The following CDH8 variants were observed in gnomAD, a reference collection of about 807,000 sequenced individuals.
CDH8 encodes cadherin-8.
Under a neutral mutation model 68.1 loss-of-function variants are expected in CDH8, and 17 were observed. The ratio of observed to expected loss-of-function variants is 0.25; its 90% CI spans 0.17 to 0.37. The LOEUF (loss-of-function observed/expected upper bound fraction) is 0.37. Ranked by LOEUF, CDH8 falls within the 10% of genes least tolerant of loss-of-function variation. The probability of loss-of-function intolerance (pLI) is 1.00; values close to 1 mark genes in which losing one functional copy is unlikely to be tolerated. For missense variants in CDH8, 763 were observed against 999.3 expected, an observed-to-expected ratio of 0.76 and a Z score of 3.19; for synonymous variants, 372 against 365.1, an observed-to-expected ratio of 1.02 and a Z score of -0.21.
intron 8 of CDH8, among the ~76,000 whole-genome samples, chr16:61,738,725 T>C (rs1055931930): frequency 3.3e-5 from 5 of 152,198 alleles, no homozygotes. Context: ...CTACTTTTAA[T>C]TATTTAAGTA....
intron 2 of CDH8, among the ~76,000 whole-genome samples, chr16:62,011,302 A>C (rs1901807029): frequency 6.6e-6 from 1 of 152,184 alleles, no homozygotes; most frequent in African/African-American, 2.4e-5. Context: ...AACAGTTAAT[A>C]GTTCTCACTG....
At chr16:61,659,091 C>T (rs1256619401) in intron 10 of CDH8, among the ~76,000 whole-genome samples, 3 of 152,136 alleles carry the variant, frequency 2.0e-5, no homozygotes, top group Non-Finnish European at 2.9e-5. Context: ...CTAAGACTTT[C>T]TTTTTATTTA....
chr16:61,695,093 T>C (rs113353928), intron 10 of CDH8, among the ~76,000 whole-genome samples: 1 of 152,062 alleles, frequency 6.6e-6, no homozygotes, highest in Non-Finnish European at 1.5e-5. Context: ...TCTTCTTCTT[T>C]TTTTTTTAGT....
chr16:61,922,442 T>C (rs1964384950), intron 2 of CDH8, among the ~76,000 whole-genome samples: 1 of 152,300 alleles, frequency 6.6e-6, no homozygotes, highest in East Asian at 1.9e-4. Context: ...TTATTATTTA[T>C]ATAAAAAGAC....
At position 61,653,334 on chromosome 16, in the gene CDH8, C is replaced by A; in HGVS notation, c.*274G>T. 8.2e-7 allele frequency: 1 copy of A among 1,219,194 alleles called. No individual in the cohort carries two copies. Among genetic ancestry groups the A allele is most frequent in the Non-Finnish European group, 1.0e-6 (1 of 981,348 alleles). 75.5% of individuals were successfully genotyped at this position (1,219,194 alleles called of 1,614,324 possible). A position where few individuals can be genotyped will look rare whatever the true frequency, so the allele number is the denominator to read the frequency against. Reference sequence around the variant, plus strand: ...TCTAAGGATTAGCCAGGATCCCAATCTTTGTCTGTGGTGGTCAGGTAAATA... The same window carrying A: ...TCTAAGGATTAGCCAGGATCCCAATATTTGTCTGTGGTGGTCAGGTAAATA... On this transcript the variant is annotated 3_prime_UTR_variant, in exon 12 of 12. Coordinates refer to ENST00000577390, the MANE Select transcript of CDH8 (RefSeq NM_001796.5).
At chr16:61,792,377 T>G (rs1445797082) in intron 7 of CDH8, among the ~76,000 whole-genome samples, 1 of 151,978 alleles carries the variant, frequency 6.6e-6, no homozygotes, top group Non-Finnish European at 1.5e-5. Context: ...CTCAACTATT[T>G]TGGAAAACTC....
intron 8 of CDH8, among the ~76,000 whole-genome samples, chr16:61,783,421 GA>G (rs1245780291): frequency 6.6e-5 from 10 of 151,090 alleles, no homozygotes; most frequent in Admixed American, 4.0e-4. Context: ...AAGCCTCCAA[GA>G]AATATGGGAC....
chr16:61,715,382 T>A (rs542224831), intron 9 of CDH8, among the ~76,000 whole-genome samples: 4 of 151,708 alleles, frequency 2.6e-5, no homozygotes, highest in Admixed American at 2.6e-4. Flanking sequence ...TGTGTGACAT[T>A]GAAGGAGTTA....
intron 10 of CDH8, among the ~76,000 whole-genome samples, chr16:61,676,480 G>A (rs1368466000): frequency 6.6e-6 from 1 of 151,880 alleles, no homozygotes; most frequent in Non-Finnish European, 1.5e-5. Flanking sequence ...TTCAAATTCT[G>A]AAAATTAATC....
chr16:61,871,286 T>C (rs542928473), intron 3 of CDH8, among the ~76,000 whole-genome samples: 30 of 151,338 alleles, frequency 2.0e-4, no homozygotes, highest in African/African-American at 7.0e-4. Flanking sequence ...GCTCAAGCAA[T>C]CCTCCCACCT....
chr16:61,972,493 T>C (rs937094338), intron 2 of CDH8, among the ~76,000 whole-genome samples: 3 of 150,338 alleles, frequency 2.0e-5, no homozygotes, highest in African/African-American at 7.3e-5. Context: ...TGAGATCTAC[T>C]GTGTAGCTAG....
intron 10 of CDH8, among the ~76,000 whole-genome samples, chr16:61,689,584 T>C (rs1964177780): frequency 6.6e-6 from 1 of 151,950 alleles, no homozygotes; most frequent in South Asian, 2.1e-4. Flanking sequence ...AGCTTTAAAA[T>C]GAGGATAACA....
At chr16:61,923,700 C>A (rs1015764732) in intron 2 of CDH8, among the ~76,000 whole-genome samples, 1 of 148,456 alleles carries the variant, frequency 6.7e-6, no homozygotes, top group Non-Finnish European at 1.5e-5. Context: ...TATTATGAAG[C>A]CCTGGCAATC....
chr16:61,717,836 C>G (rs1256029671), intron 9 of CDH8, among the ~76,000 whole-genome samples: 1 of 151,356 alleles, frequency 6.6e-6, no homozygotes, highest in Non-Finnish European at 1.5e-5. Flanking sequence ...AATAAATAAG[C>G]GATGGCAGGT....
At chr16:61,832,740 C>A (rs1446973560) in intron 4 of CDH8, among the ~76,000 whole-genome samples, 2 of 151,514 alleles carry the variant, frequency 1.3e-5, no homozygotes, top group East Asian at 3.9e-4. Context: ...TTATAGATAT[C>A]AAAGGCATAC....
intron 6 of CDH8, among the ~76,000 whole-genome samples, chr16:61,819,767 T>C (rs1410819258): frequency 6.6e-6 from 1 of 152,080 alleles, no homozygotes; most frequent in East Asian, 1.9e-4. Context: ...CTTACAGTCA[T>C]ATCTACATAA....
At chr16:62,030,016 C>A (rs918864147) in intron 1 of CDH8, among the ~76,000 whole-genome samples, 1 of 152,138 alleles carries the variant, frequency 6.6e-6, no homozygotes, top group African/African-American at 2.4e-5. Flanking sequence ...TAGTATAAGT[C>A]ATCCAGATTC....
chr16:61,685,075 T>G (rs1287516924), intron 10 of CDH8, among the ~76,000 whole-genome samples: 2 of 151,870 alleles, frequency 1.3e-5, no homozygotes, highest in Non-Finnish European at 2.9e-5. Flanking sequence ...GTTTTGAACA[T>G]TCAACATGGT....
intron 9 of CDH8, among the ~76,000 whole-genome samples, chr16:61,724,413 T>G (rs745331702): frequency 4.0e-5 from 6 of 150,778 alleles, no homozygotes; most frequent in Non-Finnish European, 8.9e-5. Context: ...ATGTTGATAC[T>G]CGTTTTCATT....
Sources: gnomAD v4.1 joint callset for allele counts (sites outside exome capture counted in the v4.1 genomes callset) on GRCh38, gnomAD v4.1.1 for gene constraint, MANE v1.5 for transcripts, NCBI Gene and HGNC (gene_info 2026-07-23, HGNC 2026-07-21) for gene names.